SND1: variants seen among roughly 807,000 people sequenced by gnomAD.
The protein encoded by SND1 is staphylococcal nuclease domain-containing protein 1.
SND1 carries 38 observed loss-of-function variants against 121.7 expected under a neutral mutation model. The ratio of observed to expected loss-of-function variants is 0.31; its 90% CI spans 0.24 to 0.41. SND1 has a LOEUF of 0.41. SND1 is among the 10% of genes least tolerant of loss of function. SND1 has a pLI of 1.00. For synonymous variants in SND1, 401 were observed against 447.4 expected (o/e 0.90, Z 1.31); for missense variants, 868 against 1,184.6 (o/e 0.73, Z 3.92).
intron 15 of SND1, among the ~76,000 whole-genome samples, chr7:127,976,702 A>G (rs1276933215): frequency 1.3e-5 from 2 of 152,244 alleles, no homozygotes; most frequent in African/African-American, 2.4e-5. Context: ...CTTTCCCTGA[A>G]TTCTGCAAAG....
At chr7:127,877,406 TC>T (rs1799712031) in intron 12 of SND1, among the ~76,000 whole-genome samples, 1 of 152,110 alleles carries the variant, frequency 6.6e-6, no homozygotes, top group African/African-American at 2.4e-5. Flanking sequence ...TATCTTATCT[TC>T]CTCTGCCCGT....
intron 10 of SND1, among the ~76,000 whole-genome samples, chr7:127,798,676 G>A (rs773641255): frequency 6.6e-6 from 1 of 151,812 alleles, no homozygotes. Flanking sequence ...TATTGCCTTC[G>A]ATTTAAAAGT....
intron 1 of SND1, among the ~76,000 whole-genome samples, chr7:127,654,472 A>C (rs1795178141): frequency 6.6e-6 from 1 of 152,140 alleles, no homozygotes; most frequent in South Asian, 2.1e-4. Context: ...GATGTCTCTG[A>C]CTTCATGACT....
intron 10 of SND1, among the ~76,000 whole-genome samples, chr7:127,787,572 A>G (rs2116533218): frequency 6.6e-6 from 1 of 152,300 alleles, no homozygotes; most frequent in Admixed American, 6.5e-5. Context: ...ATTTGTGTTG[A>G]TGTTTTAATG....
intron 16 of SND1, among the ~76,000 whole-genome samples, chr7:128,038,259 C>T (rs754397824): frequency 1.3e-5 from 2 of 152,304 alleles, no homozygotes; most frequent in African/African-American, 2.4e-5. Context: ...AGAGCACATG[C>T]GTGTCTGTGT....
chr7:127,921,867 T>C (rs930427242), intron 14 of SND1, among the ~76,000 whole-genome samples: 2 of 152,182 alleles, frequency 1.3e-5, no homozygotes, highest in African/African-American at 4.8e-5. Flanking sequence ...TTTTTTAGCG[T>C]AGAGTAGTAT....
At position 127,652,207 on chromosome 7, in the gene SND1, T is replaced by A. The variant is rs779229121; in HGVS notation, c.-167T>A. ...CGGAGATCGCGTCTCTTTCGCTCCGTGTCCCGCTGCTGCTCCTGTGAGCGC... is the reference window on the plus strand; with the variant it reads ...CGGAGATCGCGTCTCTTTCGCTCCGAGTCCCGCTGCTGCTCCTGTGAGCGC... On this transcript the variant is annotated 5_prime_UTR_variant, in exon 1 of 24. Coordinates refer to ENST00000354725, the MANE Select transcript of SND1 (RefSeq NM_014390.4). 2 of 675,908 alleles carry A rather than the reference T, an allele frequency of 3.0e-6. No homozygotes were observed. Among genetic ancestry groups the A allele is most frequent in the Non-Finnish European group, 5.4e-6 (2 of 369,594 alleles). The allele number at this position is 675,908 out of a possible 1,614,324, so 41.9% of individuals were successfully genotyped here.
chr7:127,724,247 GGA>G (rs1307984257), intron 10 of SND1, among the ~76,000 whole-genome samples: 6 of 152,212 alleles, frequency 3.9e-5, no homozygotes, highest in African/African-American at 1.4e-4. Flanking sequence ...TTAGAGTTTA[GGA>G]GAGTGCATAG....
chr7:127,656,554 G>A (rs1795213140), intron 1 of SND1, among the ~76,000 whole-genome samples: 1 of 152,014 alleles, frequency 6.6e-6, no homozygotes, highest in Non-Finnish European at 1.5e-5. Flanking sequence ...GCCTCAAGCT[G>A]TCTGCCCACC....
chr7:127,652,928 C>T (rs1317327809), intron 1 of SND1, among the ~76,000 whole-genome samples: 1 of 152,090 alleles, frequency 6.6e-6, no homozygotes. Flanking sequence ...CTCTGTGGCC[C>T]TCTTTTCCTC....
intron 10 of SND1, among the ~76,000 whole-genome samples, chr7:127,729,277 G>GGT (rs1446754196): frequency 1.3e-5 from 2 of 151,406 alleles, no homozygotes; most frequent in Non-Finnish European, 2.9e-5. Flanking sequence ...TTTACTGAGG[G>GGT]GTATATATAT....
intron 11 of SND1, among the ~76,000 whole-genome samples, chr7:127,815,708 T>C (rs914209313): frequency 2.6e-5 from 4 of 152,146 alleles, no homozygotes; most frequent in African/African-American, 4.8e-5. Flanking sequence ...ATAATGATCC[T>C]GCCTACACCT....
At chr7:127,904,618 T>C (rs1800297941) in intron 13 of SND1, 129 bp from the exon 14 acceptor site, 2 of 638,750 alleles carry the variant, frequency 3.1e-6, no homozygotes, top group Non-Finnish European at 5.9e-6. Context: ...CTCAGCAGTG[T>C]ACAGTGTGAC....
rs779761628 is a variant in SND1 at position 127,904,811 on chromosome 7, A to G, written c.1519A>G (p.Ile507Val). ...KEVPIHRVAD[I>V]SGDTQKAKQF... The stretch of plus-strand genomic sequence containing the variant: ...AGTGCCTATCCACCGTGTTGCAGAT[A>G]TATCTGGGGTGAGTCGAGTCCCTGA... The change falls in exon 14 of 24, where the codon ATA (isoleucine) becomes GTA (valine). Residue 507 changes from isoleucine to valine, a missense_variant. Transcript: ENST00000354725. 8 of 1,605,546 alleles carry G rather than the reference A, an allele frequency of 5.0e-6. No individual in the cohort carries two copies. Among genetic ancestry groups the G allele is most frequent in the Non-Finnish European group, 5.1e-6 (6 of 1,172,440 alleles).
At chr7:127,869,037 A>T (rs1317913103) in intron 12 of SND1, among the ~76,000 whole-genome samples, 1 of 152,150 alleles carries the variant, frequency 6.6e-6, no homozygotes, top group Non-Finnish European at 1.5e-5. Context: ...TATATAGGTG[A>T]TGAAAAGTGC....
intron 14 of SND1, among the ~76,000 whole-genome samples, chr7:127,918,670 T>C (rs1425597326): frequency 2.0e-5 from 3 of 152,238 alleles, no homozygotes; most frequent in Non-Finnish European, 2.9e-5. Flanking sequence ...GAATGAACGC[T>C]GTAAATAGTT....
At chr7:128,036,872 G>A (rs1236312106) in intron 16 of SND1, among the ~76,000 whole-genome samples, 1 of 152,172 alleles carries the variant, frequency 6.6e-6, no homozygotes, top group Non-Finnish European at 1.5e-5. Flanking sequence ...GGCCCTTGTG[G>A]CTTTTCCTCT....
intron 12 of SND1, among the ~76,000 whole-genome samples, chr7:127,880,908 AT>A (rs565581189): frequency 1.8e-3 from 267 of 152,160 alleles, no homozygotes; most frequent in African/African-American, 6.1e-3. Context: ...GGAATTTCCT[AT>A]TTGACTAAGA....
chr7:127,943,882 A>G (rs1486851947), intron 15 of SND1, among the ~76,000 whole-genome samples: 3 of 152,170 alleles, frequency 2.0e-5, no homozygotes, highest in Non-Finnish European at 4.4e-5. Context: ...TCATTTTTTC[A>G]TTACATTTGT....
Sources: gnomAD v4.1 joint callset for allele counts (sites outside exome capture counted in the v4.1 genomes callset) on GRCh38, gnomAD v4.1.1 for gene constraint, MANE v1.5 for transcripts, NCBI Gene and HGNC (gene_info 2026-07-23, HGNC 2026-07-21) for gene names.